The following SLC44A1 variants were observed in gnomAD, a reference collection of about 807,000 sequenced individuals.
SLC44A1 encodes choline transporter-like protein 1.
Under a neutral mutation model 79.3 loss-of-function variants are expected in SLC44A1, and 26 were observed. The observed-to-expected ratio is 0.33, with a 90% CI of 0.24 to 0.46. The LOEUF is 0.46. SLC44A1 is among the 20% of genes least tolerant of loss of function. The pLI is 1.00. For synonymous variants in SLC44A1, 263 were observed against 286.2 expected, an observed-to-expected ratio of 0.92 and a Z score of 0.82; for missense variants, 688 against 798.1, an observed-to-expected ratio of 0.86 and a Z score of 1.66.
intron 15 of SLC44A1, among the ~76,000 whole-genome samples, chr9:105,412,532 A>G (rs1829110441): frequency 1.3e-5 from 2 of 152,170 alleles, no homozygotes; most frequent in African/African-American, 2.4e-5. Flanking sequence ...TCTGGGCACA[A>G]TATGTGCTTT....
chr9:105,329,892 T>G (rs1826697498), intron 3 of SLC44A1, among the ~76,000 whole-genome samples: 1 of 152,138 alleles, frequency 6.6e-6, no homozygotes, highest in Non-Finnish European at 1.5e-5. Context: ...TAATGGTTTC[T>G]CTAACCCCTT....
chr9:105,342,746 A>G (rs1588804673), intron 4 of SLC44A1, among the ~76,000 whole-genome samples: 1 of 152,164 alleles, frequency 6.6e-6, no homozygotes, highest in Non-Finnish European at 1.5e-5. Context: ...TCAACATACC[A>G]TTTATTGGTA....
At chr9:105,376,375 CT>C (rs34947116) in intron 13 of SLC44A1, among the ~76,000 whole-genome samples, 132 of 136,204 alleles carry the variant, frequency 9.7e-4, no homozygotes, top group East Asian at 1.9e-3. Flanking sequence ...ACACACACTG[CT>C]TTTTTTTTTT....
intron 2 of SLC44A1, among the ~76,000 whole-genome samples, chr9:105,305,541 C>T (rs1191313767): frequency 6.6e-6 from 1 of 152,010 alleles, no homozygotes; most frequent in Non-Finnish European, 1.5e-5. Context: ...AGCTCGAGCC[C>T]AAGCACTGAT....
intron 3 of SLC44A1, among the ~76,000 whole-genome samples, chr9:105,328,745 A>G (rs569008210): frequency 3.3e-5 from 5 of 152,256 alleles, no homozygotes; most frequent in East Asian, 1.9e-4. Context: ...TTAGAATTCA[A>G]TTGTCTCTTT....
intron 1 of SLC44A1, among the ~76,000 whole-genome samples, chr9:105,253,148 T>C (rs868536481): frequency 6.6e-6 from 1 of 152,330 alleles, no homozygotes; most frequent in East Asian, 1.9e-4. Flanking sequence ...TTTAGACTTA[T>C]TTAGTAGGAA....
intron 15 of SLC44A1, among the ~76,000 whole-genome samples, chr9:105,387,748 G>A (rs570058797): frequency 4.6e-4 from 70 of 152,170 alleles, no homozygotes; most frequent in Non-Finnish European, 7.6e-4. Context: ...CCATGAGTTG[G>A]CACAGATTTC....
chr9:105,399,154 GA>G, downstream of SLC44A1, among the ~76,000 whole-genome samples: 1 of 152,268 alleles, frequency 6.6e-6, no homozygotes, highest in East Asian at 1.9e-4. Context: ...CCAATTCCAA[GA>G]AAAATAATTT....
At chr9:105,434,184 AC>A (rs1564062359) in intron 15 of SLC44A1, among the ~76,000 whole-genome samples, 1 of 152,132 alleles carries the variant, frequency 6.6e-6, no homozygotes, top group Non-Finnish European at 1.5e-5. Context: ...TTAAATAAAT[AC>A]AAAAATTAGC....
intron 1 of SLC44A1, among the ~76,000 whole-genome samples, chr9:105,261,852 T>C (rs1236050407): frequency 6.8e-6 from 1 of 147,802 alleles, no homozygotes; most frequent in Non-Finnish European, 1.5e-5. Context: ...CGATCTCGGC[T>C]CACTGCAGCC....
intron 1 of SLC44A1, among the ~76,000 whole-genome samples, chr9:105,253,893 T>G (rs1025819138): frequency 6.6e-6 from 1 of 152,132 alleles, no homozygotes; most frequent in African/African-American, 2.4e-5. Flanking sequence ...CTGGCTAATT[T>G]TATGTATTTT....
chr9:105,381,721 G>A (rs1828472308), intron 13 of SLC44A1, among the ~76,000 whole-genome samples: 1 of 152,122 alleles, frequency 6.6e-6, no homozygotes, highest in Admixed American at 6.5e-5. Flanking sequence ...CAAAAATGGT[G>A]GGGAGTCTTC....
At chr9:105,251,612 A>G (rs1829590477) in intron 1 of SLC44A1, among the ~76,000 whole-genome samples, 1 of 152,178 alleles carries the variant, frequency 6.6e-6, no homozygotes, top group Admixed American at 6.5e-5. Flanking sequence ...ATCTCTCTAT[A>G]GGGTCACCTT....
intron 13 of SLC44A1, 128 bp from the exon 14 acceptor site, chr9:105,382,995 A>T: frequency 1.5e-6 from 1 of 654,234 alleles, no homozygotes; most frequent in Non-Finnish European, 2.7e-6. Context: ...ATATTTCCTC[A>T]TTTGAGATGG....
intron 1 of SLC44A1, among the ~76,000 whole-genome samples, chr9:105,264,885 C>T (rs1829924276): frequency 6.6e-6 from 1 of 151,900 alleles, no homozygotes; most frequent in East Asian, 1.9e-4. Flanking sequence ...CAACCTCTAC[C>T]TCCTGGGTTC....
At chr9:105,353,159 A>G (rs1275279180) in intron 5 of SLC44A1, among the ~76,000 whole-genome samples, 4 of 152,158 alleles carry the variant, frequency 2.6e-5, no homozygotes, top group African/African-American at 7.2e-5. Flanking sequence ...CTTTAAATTT[A>G]GAGTATCAGG....
At chr9:105,319,022 A>G (rs113793922) in intron 3 of SLC44A1, among the ~76,000 whole-genome samples, 15 of 152,278 alleles carry the variant, frequency 9.9e-5, no homozygotes, top group African/African-American at 3.1e-4. Context: ...CTGATAGACA[A>G]TGACCTTTGT....
chr9:105,426,715 T>G (rs2131521540), intron 15 of SLC44A1, among the ~76,000 whole-genome samples: 1 of 152,244 alleles, frequency 6.6e-6, no homozygotes, highest in Admixed American at 6.5e-5. Flanking sequence ...AACAAATTAT[T>G]AAGTGGATAA....
chr9:105,277,707 GAACTTTGT>G lies in SLC44A1; in HGVS notation c.37-21510_37-21503del, dbSNP rs755883658. On this transcript the variant is annotated intron_variant, in intron 1 of 15. Transcript: ENST00000374720. ...TTGGGACGGACCAACTAAAACTGAG[GAACTTTGT>G]AAACCAAGTAGCCTAATAGGGCTTG... Among the ~76,000 whole-genome samples, 23 of 152,040 alleles carry G rather than the reference GAACTTTGT, an allele frequency of 1.5e-4. No individual in the cohort carries two copies. The East Asian group carries it at 3.7e-3, about 24-fold the overall frequency.
Sources: allele counts gnomAD v4.1 joint callset (sites outside exome capture counted in the v4.1 genomes callset), GRCh38; gene constraint gnomAD v4.1.1; transcripts MANE v1.5; gene names NCBI Gene and HGNC (gene_info 2026-07-23, HGNC 2026-07-21).